The following PRKCA variants were observed in gnomAD, a reference collection of about 807,000 sequenced individuals.
The protein encoded by PRKCA is protein kinase C alpha, also known as protein kinase C alpha type.
A neutral mutation model predicts 87.0 loss-of-function variants in PRKCA; 27 were observed. The ratio of observed to expected loss-of-function variants is 0.31; its 90% CI spans 0.23 to 0.43. The LOEUF is 0.43. Among genes scored for constraint, PRKCA ranks in the 20% least tolerant of loss-of-function variants. The pLI is 1.00. For missense variants in PRKCA, 518 were observed against 852.3 expected (o/e 0.61, Z 4.88); for synonymous variants, 329 against 311.1 (o/e 1.06, Z -0.61).
Position 66,661,484 on chromosome 17 carries a change from C to T in PRKCA, c.529+15973C>T, listed in dbSNP as rs201411008. Among the ~76,000 whole-genome samples the T allele has an allele frequency of 3.9e-5, 6 of 152,210 alleles. No individual in the cohort carries two copies. In the East Asian group the frequency reaches 9.6e-4, roughly 24 times the overall value. On this transcript the variant is annotated intron_variant, in intron 5 of 16. Transcript: ENST00000413366. ...GCTCCTTTCCTTCAACCACCTTGCA[C>T]ATCCGTGAAATTACTCAAGAGGGAC...
At chr17:66,639,943 C>T (rs1025079249) in intron 3 of PRKCA, among the ~76,000 whole-genome samples, 18 of 151,910 alleles carry the variant, frequency 1.2e-4, no homozygotes, top group African/African-American at 3.9e-4. Flanking sequence ...TGCAGTGAGC[C>T]GAGCTCGTGC....
intron 3 of PRKCA, among the ~76,000 whole-genome samples, chr17:66,562,280 A>T (rs1418023100): frequency 6.7e-6 from 1 of 149,532 alleles, no homozygotes; most frequent in Non-Finnish European, 1.5e-5. Context: ...ATAACAAAAG[A>T]ATAGAGGTAT....
intron 2 of PRKCA, among the ~76,000 whole-genome samples, chr17:66,321,363 G>A (rs887669539): frequency 1.3e-5 from 2 of 152,080 alleles, no homozygotes; most frequent in Admixed American, 6.6e-5. Context: ...GAAGATACTC[G>A]GAGGATGGAC....
chr17:66,467,423 C>T lies in PRKCA; in HGVS notation c.206-28778C>T, dbSNP rs145709570. Among the ~76,000 whole-genome samples the T allele has an allele frequency of 1.3e-3, 204 of 152,274 alleles. 1 individual carries two copies. The highest frequency in any genetic ancestry group is 2.5e-3 in the Non-Finnish European group (168 of 68,020). On this transcript the variant is annotated intron_variant, in intron 2 of 16. Transcript: ENST00000413366. ...CTCATCTGTAAATGATGGCTTTTGACTAAATAATAGCTTAGTTTTCATTGT... is the reference window on the plus strand; with the variant it reads ...CTCATCTGTAAATGATGGCTTTTGATTAAATAATAGCTTAGTTTTCATTGT...
chr17:66,305,051 C>T (rs1904738796), intron 1 of PRKCA, among the ~76,000 whole-genome samples: 2 of 152,120 alleles, frequency 1.3e-5, no homozygotes, highest in South Asian at 4.1e-4. Context: ...CTCAGGTCAC[C>T]ACCAGTATTG....
At chr17:66,546,876 A>G (rs1344064229) in intron 3 of PRKCA, among the ~76,000 whole-genome samples, 2 of 152,126 alleles carry the variant, frequency 1.3e-5, no homozygotes, top group Non-Finnish European at 2.9e-5. Flanking sequence ...CTACTTTCCA[A>G]CAATATTATA....
intron 14 of PRKCA, among the ~76,000 whole-genome samples, chr17:66,785,898 A>G (rs546019453): frequency 5.3e-5 from 8 of 152,284 alleles, no homozygotes; most frequent in African/African-American, 1.7e-4. Context: ...GTGCAATCTC[A>G]GCTCACTGCA....
chr17:66,736,714 A>G (rs1334739541), intron 10 of PRKCA, among the ~76,000 whole-genome samples: 2 of 152,222 alleles, frequency 1.3e-5, no homozygotes, highest in Non-Finnish European at 2.9e-5. Flanking sequence ...CCTATTCTCT[A>G]TGGCTTGTGA....
chr17:66,736,521 A>G (rs950932313), intron 10 of PRKCA, among the ~76,000 whole-genome samples: 1 of 150,588 alleles, frequency 6.6e-6, no homozygotes, highest in African/African-American at 2.4e-5. Context: ...CAGGTGATCC[A>G]CCCGCCTCGG....
chr17:66,690,382 G>C (rs1222723007), intron 8 of PRKCA, among the ~76,000 whole-genome samples: 1 of 152,188 alleles, frequency 6.6e-6, no homozygotes, highest in East Asian at 1.9e-4. Flanking sequence ...TCTGTCTGCA[G>C]GTGGCAGCTA....
intron 2 of PRKCA, among the ~76,000 whole-genome samples, chr17:66,457,334 A>G (rs1914617228): frequency 6.6e-6 from 1 of 152,034 alleles, no homozygotes; most frequent in South Asian, 2.1e-4. Context: ...TTCTTAGTGT[A>G]GGGGATGGTC....
chr17:66,540,469 C>A (rs1324235368), intron 3 of PRKCA, among the ~76,000 whole-genome samples: 2 of 152,102 alleles, frequency 1.3e-5, no homozygotes, highest in Non-Finnish European at 2.9e-5. Context: ...GGACGTCTCC[C>A]GAGAGCAGGG....
chr17:66,380,136 A>T (rs1377593705), intron 2 of PRKCA, among the ~76,000 whole-genome samples: 1 of 152,014 alleles, frequency 6.6e-6, no homozygotes, highest in Non-Finnish European at 1.5e-5. Flanking sequence ...GTGTTTTGAC[A>T]TTACCCCCAG....
At chr17:66,395,837 G>C (rs1910632274) in intron 2 of PRKCA, among the ~76,000 whole-genome samples, 1 of 152,144 alleles carries the variant, frequency 6.6e-6, no homozygotes, top group South Asian at 2.1e-4. Flanking sequence ...TAGTCTTTGA[G>C]AGAAGGCTTT....
chr17:66,407,369 C>T (rs1163022752), intron 2 of PRKCA, among the ~76,000 whole-genome samples: 1 of 152,032 alleles, frequency 6.6e-6, no homozygotes, highest in Admixed American at 6.5e-5. Flanking sequence ...TGTGTAGAAT[C>T]TTCCCCTGAC....
intron 3 of PRKCA, among the ~76,000 whole-genome samples, chr17:66,605,864 A>C (rs1970191727): frequency 6.6e-6 from 1 of 152,236 alleles, no homozygotes; most frequent in South Asian, 2.1e-4. Context: ...TATGTGAAAC[A>C]TCCAGAATAA....
intron 4 of PRKCA, among the ~76,000 whole-genome samples, chr17:66,644,552 C>T (rs1971400379): frequency 6.6e-6 from 1 of 152,172 alleles, no homozygotes. Context: ...TATCCTCCCC[C>T]TGTCTCACCC....
At chr17:66,439,257 T>C (rs1015976403) in intron 2 of PRKCA, among the ~76,000 whole-genome samples, 1 of 152,142 alleles carries the variant, frequency 6.6e-6, no homozygotes, top group African/African-American at 2.4e-5. Context: ...CTCAGCTCAC[T>C]GCAACCTCCG....
At chr17:66,380,518 C>T (rs1470958746) in intron 2 of PRKCA, among the ~76,000 whole-genome samples, 1 of 152,134 alleles carries the variant, frequency 6.6e-6, no homozygotes, top group Non-Finnish European at 1.5e-5. Flanking sequence ...ATTTATTTAT[C>T]CTGCTATTTC....
Sources: gnomAD v4.1 joint callset for allele counts (sites outside exome capture counted in the v4.1 genomes callset) on GRCh38, gnomAD v4.1.1 for gene constraint, MANE v1.5 for transcripts, NCBI Gene and HGNC (gene_info 2026-07-23, HGNC 2026-07-21) for gene names.